Variants in TMEM163 observed in about 807,000 individuals in gnomAD.
The protein encoded by TMEM163 is transmembrane protein 163.
Under a neutral mutation model 29.3 loss-of-function variants are expected in TMEM163, and 17 were observed. That is an observed-to-expected ratio of 0.58 (90% CI 0.40 to 0.87). The LOEUF (loss-of-function observed/expected upper bound fraction) is 0.87. Ranked by LOEUF, TMEM163 falls within the 40% of genes least tolerant of loss-of-function variation. The pLI is 0.00. For missense variants in TMEM163, 303 were observed against 381.5 expected, an observed-to-expected ratio of 0.79 and a Z score of 1.71; for synonymous variants, 157 against 160.6, an observed-to-expected ratio of 0.98 and a Z score of 0.17.
rs1686381979 is a variant in TMEM163 at position 134,456,111 on chromosome 2, GTC to G, written c.*603_*604del. 1 of 152,542 alleles carries G rather than the reference GTC, an allele frequency of 6.6e-6. No individual in the cohort carries two copies. The highest frequency in any genetic ancestry group is 1.5e-5 in the Non-Finnish European group (1 of 68,080). The allele number at this position is 152,542 out of a possible 1,614,324, so 9.4% of individuals were successfully genotyped here. ...AAAGGTCAATGTGCTTATTTAATTC[GTC>G]CATGCAAAGCTTATACGTGTATCAC... is the stretch of plus-strand genomic sequence containing the variant. On this transcript the variant is annotated 3_prime_UTR_variant, in exon 8 of 8. Coordinates refer to ENST00000281924, the MANE Select transcript of TMEM163 (RefSeq NM_030923.5).
intron 2 of TMEM163, among the ~76,000 whole-genome samples, chr2:134,593,624 T>C (rs1247456075): frequency 6.6e-6 from 1 of 151,850 alleles, no homozygotes; most frequent in South Asian, 2.1e-4. Context: ...CCAGCCTAGG[T>C]AGGGAGTTGG....
chr2:134,513,789 C>T (rs1679998466), intron 4 of TMEM163, among the ~76,000 whole-genome samples: 1 of 152,186 alleles, frequency 6.6e-6, no homozygotes, highest in Non-Finnish European at 1.5e-5. Context: ...GCCCCTGACC[C>T]AAGCTGGGCC....
intron 4 of TMEM163, among the ~76,000 whole-genome samples, chr2:134,549,913 T>C (rs947022139): frequency 6.6e-6 from 1 of 152,190 alleles, no homozygotes; most frequent in Non-Finnish European, 1.5e-5. Context: ...AGAGGAATTG[T>C]CTTTTTCTTG....
At chr2:134,469,288 G>C (rs1370859688) in intron 5 of TMEM163, 2 of 152,200 alleles carry the variant, frequency 1.3e-5, no homozygotes, top group Non-Finnish European at 2.9e-5. Context: ...CCGAGGTCCA[G>C]CTCCTGGAGG....
chr2:134,671,205 C>G (rs1393000441), intron 2 of TMEM163, among the ~76,000 whole-genome samples: 1 of 152,194 alleles, frequency 6.6e-6, no homozygotes, highest in Non-Finnish European at 1.5e-5. Context: ...TTCTCAGGCT[C>G]CCAAAGGCTG....
intron 2 of TMEM163, among the ~76,000 whole-genome samples, chr2:134,559,876 C>T (rs1038838322): frequency 1.1e-4 from 16 of 152,150 alleles, no homozygotes; most frequent in African/African-American, 3.9e-4. Context: ...CAGCGACTGT[C>T]ATTCATCCCT....
At chr2:134,504,571 C>A (rs1679779324) in intron 4 of TMEM163, among the ~76,000 whole-genome samples, 1 of 152,048 alleles carries the variant, frequency 6.6e-6, no homozygotes, top group South Asian at 2.1e-4. Flanking sequence ...CTTGCCACAC[C>A]CCCAGGGTGA....
At chr2:134,500,642 T>C (rs1418074641) in intron 5 of TMEM163, among the ~76,000 whole-genome samples, 2 of 144,960 alleles carry the variant, frequency 1.4e-5, no homozygotes, top group African/African-American at 5.1e-5. Context: ...GATTCTGCCA[T>C]AAAAAAAAAA....
At chr2:134,687,740 G>C (rs1684379286) in intron 2 of TMEM163, among the ~76,000 whole-genome samples, 2 of 152,150 alleles carry the variant, frequency 1.3e-5, no homozygotes, top group African/African-American at 4.8e-5. Flanking sequence ...CATCAGAAAA[G>C]ACATCAGTGT....
intron 2 of TMEM163, among the ~76,000 whole-genome samples, chr2:134,575,228 T>C (rs764472700): frequency 6.6e-6 from 1 of 152,098 alleles, no homozygotes; most frequent in Non-Finnish European, 1.5e-5. Context: ...GGGAATAAAC[T>C]TATAAAGATG....
At chr2:134,601,607 T>C (rs1682236599) in intron 2 of TMEM163, among the ~76,000 whole-genome samples, 2 of 152,246 alleles carry the variant, frequency 1.3e-5, no homozygotes, top group South Asian at 4.1e-4. Context: ...GGTTCCAAGG[T>C]TTTCTGGTCT....
chr2:134,650,583 C>T (rs1574310191), intron 2 of TMEM163, among the ~76,000 whole-genome samples: 1 of 142,600 alleles, frequency 7.0e-6, no homozygotes, highest in African/African-American at 2.9e-5. Flanking sequence ...TACATGTGCA[C>T]ATTGTGCAGG....
chr2:134,654,283 T>A (rs1683548471), intron 2 of TMEM163, among the ~76,000 whole-genome samples: 1 of 121,206 alleles, frequency 8.3e-6, no homozygotes, highest in African/African-American at 4.0e-5. Context: ...GTTGAATTGA[T>A]CCCTTTACCA....
chr2:134,549,063 G>T (rs1339688988), intron 4 of TMEM163, among the ~76,000 whole-genome samples: 1 of 147,658 alleles, frequency 6.8e-6, no homozygotes, highest in African/African-American at 2.5e-5. Context: ...TATCATAAAT[G>T]ATATCATCTG....
intron 5 of TMEM163, among the ~76,000 whole-genome samples, chr2:134,499,641 C>A (rs1264246173): frequency 6.6e-6 from 1 of 152,230 alleles, no homozygotes; most frequent in East Asian, 1.9e-4. Flanking sequence ...CCCATTCCTG[C>A]AATTATTCCC....
chr2:134,569,637 C>G (rs1681377189), intron 2 of TMEM163, among the ~76,000 whole-genome samples: 1 of 152,068 alleles, frequency 6.6e-6, no homozygotes, highest in African/African-American at 2.4e-5. Flanking sequence ...AGATCGTATT[C>G]TGTTTCAGTA....
chr2:134,465,871 C>T (rs1200978256), intron 6 of TMEM163, among the ~76,000 whole-genome samples: 3 of 152,128 alleles, frequency 2.0e-5, no homozygotes, highest in African/African-American at 7.2e-5. Context: ...CCAAGCCTCC[C>T]TGCTAGGAGG....
intron 5 of TMEM163, among the ~76,000 whole-genome samples, chr2:134,483,821 G>T (rs1679256946): frequency 6.6e-6 from 1 of 152,210 alleles, no homozygotes; most frequent in Non-Finnish European, 1.5e-5. Flanking sequence ...CAAAATGGTA[G>T]ATCAGAGAAA....
At chr2:134,712,919 A>G (rs1203027938) in intron 2 of TMEM163, among the ~76,000 whole-genome samples, 1 of 152,100 alleles carries the variant, frequency 6.6e-6, no homozygotes, top group African/African-American at 2.4e-5. Context: ...CACCAAGAGT[A>G]TTTTCACTAT....
Sources: allele counts gnomAD v4.1 joint callset (sites outside exome capture counted in the v4.1 genomes callset), GRCh38; gene constraint gnomAD v4.1.1; transcripts MANE v1.5; gene names NCBI Gene and HGNC (gene_info 2026-07-23, HGNC 2026-07-21).